The following SEPTIN12 variants were observed in gnomAD, a reference collection of about 807,000 sequenced individuals.
The protein encoded by SEPTIN12 is septin-12.
Under a neutral mutation model 37.7 loss-of-function variants are expected in SEPTIN12, and 42 were observed. That is an observed-to-expected ratio of 1.11 (90% CI 0.87 to 1.44). The LOEUF is 1.44. Among genes scored for constraint, SEPTIN12 ranks in the 40% most tolerant of loss-of-function variants. The probability of loss-of-function intolerance (pLI) is 0.00; values close to 1 mark genes in which losing one functional copy is unlikely to be tolerated. For missense variants in SEPTIN12, 613 were observed against 479.2 expected (o/e 1.28, Z -2.61); for synonymous variants, 254 against 196.7 (o/e 1.29, Z -2.44).
At position 4,787,649 on chromosome 16, in the gene SEPTIN12, G is replaced by A; in HGVS notation, c.-4C>T. 8.3e-6 allele frequency: 13 copies of A among 1,559,890 alleles called. No homozygotes were observed. The highest frequency in any genetic ancestry group is 1.1e-5 in the Non-Finnish European group (13 of 1,149,618). On this transcript the variant is annotated 5_prime_UTR_variant, in exon 2 of 10. Transcript: ENST00000268231. ...GGGAGCGCCTCAGGGGGTCCATGGG[G>A]GCCAAGGGTTCGAGATGCCTGTCAC...
intron 7 of SEPTIN12, among the ~76,000 whole-genome samples, chr16:4,782,198 C>T (rs533461234): frequency 1.3e-5 from 2 of 152,178 alleles, no homozygotes; most frequent in East Asian, 3.9e-4. Flanking sequence ...GATCTGCCCA[C>T]CTCAGCTTCC....
chr16:4,781,351 C>T (rs919325734), intron 7 of SEPTIN12, among the ~76,000 whole-genome samples: 2 of 151,730 alleles, frequency 1.3e-5, no homozygotes, highest in Non-Finnish European at 2.9e-5. Flanking sequence ...TAGTATTTGA[C>T]CAGGGTTATG....
At position 4,777,921 on chromosome 16, in the gene SEPTIN12, C is replaced by T. The variant is rs2082330276; in HGVS notation, c.953G>A (p.Ser318Asn). Reference protein sequence around the residue: ...ENYRVIRLNESHLLPRGPGWV... With the variant: ...ENYRVIRLNENHLLPRGPGWV... ...GCCGGGCCCGCGGGGCAGCAGGTGGCTTTCATTGAGTCTGATGACGCGGTA... is the reference window on the plus strand; with the variant it reads ...GCCGGGCCCGCGGGGCAGCAGGTGGTTTTCATTGAGTCTGATGACGCGGTA... The change falls in exon 10 of 10, where the codon AGC (serine) becomes AAC (asparagine). Residue 318 changes from serine to asparagine, a missense_variant. Ser to Asn is a conservative substitution (Grantham distance 46). Transcript: ENST00000268231. The T allele has an allele frequency of 1.9e-6, 3 of 1,605,590 alleles. No homozygotes were observed. The highest frequency in any genetic ancestry group is 1.7e-6 in the Non-Finnish European group (2 of 1,176,588).
chr16:4,787,312 A>T (rs541299005), intron 2 of SEPTIN12, among the ~76,000 whole-genome samples, 168 bp downstream of exon 2: 1 of 152,136 alleles, frequency 6.6e-6, no homozygotes, highest in Non-Finnish European at 1.5e-5. Flanking sequence ...TTGTCTTTTA[A>T]TGACTCAGCA....
upstream of SEPTIN12, chr16:4,788,562 C>T (rs947348522): frequency 6.6e-6 from 1 of 152,228 alleles, no homozygotes; most frequent in Non-Finnish European, 1.5e-5. Context: ...AGCTGACGCC[C>T]TCAACCACTC....
chr16:4,783,456 T>TCTC lies in SEPTIN12; in HGVS notation c.726+3_726+5dup. ...CTCGCCCGCCTCCCGCCCCACAGCCTCTCACCCGTAACTTGCTGTTGAGGA... is the reference window on the plus strand; with the variant it reads ...CTCGCCCGCCTCCCGCCCCACAGCCTCTCCTCACCCGTAACTTGCTGTTGAGGA... On this transcript the variant is annotated splice_donor_region_variant and intron_variant, in intron 7 of 9. Transcript: ENST00000268231. 6.2e-7 allele frequency: 1 copy of TCTC among 1,611,856 alleles called. No individual in the cohort carries two copies. The highest frequency in any genetic ancestry group is 8.5e-7 in the Non-Finnish European group (1 of 1,178,196).
rs8043579 is a variant in SEPTIN12, at chr16:4,784,164, C to T, written c.375-96G>A. ...TCCTCTGGGCGGTCCTCCCTTGGGACGACGAATCGTCCCGGTTGGCCCGGG... is the reference window on the plus strand; with the variant it reads ...TCCTCTGGGCGGTCCTCCCTTGGGATGACGAATCGTCCCGGTTGGCCCGGG... On this transcript the variant is annotated intron_variant, in intron 4 of 9. Coordinates refer to ENST00000268231, the MANE Select transcript of SEPTIN12 (RefSeq NM_144605.5). 377,944 of 1,453,442 alleles carry T rather than the reference C, an allele frequency of 0.26. 51,243 individuals are homozygous for T. Among genetic ancestry groups the T allele is most frequent in the South Asian group, 0.37 (30,663 of 83,732 alleles). 90.0% of individuals were successfully genotyped at this position (1,453,442 alleles called of 1,614,324 possible).
At chr16:4,778,215 C>T (rs2082335257) in intron 8 of SEPTIN12, 78 bp from the exon 9 acceptor site, 2 of 1,434,668 alleles carry the variant, frequency 1.4e-6, no homozygotes, top group Non-Finnish European at 2.0e-6. Context: ...CACCTGACAC[C>T]ATTTCCCTTA....
upstream of SEPTIN12, chr16:4,789,999 C>T (rs894620753): frequency 1.3e-5 from 2 of 151,642 alleles, no homozygotes; most frequent in Non-Finnish European, 2.9e-5. Context: ...ACTGCAGCCT[C>T]GACTTCCTGG....
At chr16:4,787,128 G>A (rs1194572830) in intron 2 of SEPTIN12, among the ~76,000 whole-genome samples, 5 of 151,538 alleles carry the variant, frequency 3.3e-5, no homozygotes, top group Non-Finnish European at 5.9e-5. Flanking sequence ...CTCCTGCCTT[G>A]GCCTTTCAAA....
intron 4 of SEPTIN12, 81 bp from the exon 5 acceptor site, chr16:4,784,149 G>T: frequency 6.5e-7 from 1 of 1,550,346 alleles, no homozygotes; most frequent in Non-Finnish European, 8.8e-7. Context: ...TCCTCTGGGC[G>T]GTCCTCCCTT....
chr16:4,777,919 G>C lies in SEPTIN12; in HGVS notation c.955C>G (p.His319Asp). The change falls in exon 10 of 10, where the codon CAC becomes GAC. Residue 319 changes from histidine (H) to aspartate (D), a missense_variant. Physicochemically the swap from His to Asp is moderately conservative, Grantham distance 81. Coordinates refer to ENST00000268231, the MANE Select transcript of SEPTIN12 (RefSeq NM_144605.5). ...CAGCCGGGCCCGCGGGGCAGCAGGT[G>C]GCTTTCATTGAGTCTGATGACGCGG... ...NYRVIRLNESHLLPRGPGWVN... is the reference protein window; with the variant it reads ...NYRVIRLNESDLLPRGPGWVN... The C allele has an allele frequency of 6.2e-7, 1 of 1,605,400 alleles. No individual in the cohort carries two copies. The highest frequency in any genetic ancestry group is 1.7e-4 in the Middle Eastern group (1 of 6,048).
chr16:4,791,054 G>A (rs375100783), upstream of SEPTIN12, among the ~76,000 whole-genome samples: 3 of 152,222 alleles, frequency 2.0e-5, no homozygotes, highest in African/African-American at 4.8e-5. Flanking sequence ...CTGCGTTTGA[G>A]CAGTAGACGT....
chr16:4,778,154 T>C lies in SEPTIN12; in HGVS notation c.824-17A>G, dbSNP rs2082334436. 1 of 1,614,108 alleles carries C rather than the reference T, an allele frequency of 6.2e-7. No homozygotes were observed. Among genetic ancestry groups the C allele is most frequent in the Non-Finnish European group, 8.5e-7 (1 of 1,179,960 alleles). On this transcript the variant is annotated splice_polypyrimidine_tract_variant and intron_variant, in intron 8 of 9. Coordinates refer to ENST00000268231, the MANE Select transcript of SEPTIN12 (RefSeq NM_144605.5). ...TGTTCTCCACTGCAAGACATGGGACTCAGTATGGGCGCTGCTTAGTGAGCA... is the reference window on the plus strand; with the variant it reads ...TGTTCTCCACTGCAAGACATGGGACCCAGTATGGGCGCTGCTTAGTGAGCA...
intron 4 of SEPTIN12, among the ~76,000 whole-genome samples, chr16:4,784,729 C>T (rs2141875642): frequency 6.6e-6 from 1 of 151,324 alleles, no homozygotes; most frequent in Admixed American, 6.6e-5. Context: ...ATGATCTCGC[C>T]ACTGCACTCC....
chr16:4,782,144 T>A (rs1013672053), intron 7 of SEPTIN12, among the ~76,000 whole-genome samples: 1 of 151,414 alleles, frequency 6.6e-6, no homozygotes, highest in African/African-American at 2.4e-5. Context: ...GAGACAGAGT[T>A]TCACCATGTT....
chr16:4,785,106 C>T (rs2082421854), intron 4 of SEPTIN12, among the ~76,000 whole-genome samples: 3 of 151,922 alleles, frequency 2.0e-5, no homozygotes, highest in Admixed American at 1.3e-4. Context: ...AAAAAGTAGC[C>T]GAGCGTGTTG....
rs762489557 is a variant in SEPTIN12 at position 4,783,533 on chromosome 16, A to AAG, written c.654_655insCT (p.Cys219LeufsTer33). 1 of 1,614,024 alleles carries AAG rather than the reference A, an allele frequency of 6.2e-7. No individual in the cohort carries two copies. Among genetic ancestry groups the AAG allele is most frequent in the African/African-American group, 1.3e-5 (1 of 74,900 alleles). Reference sequence around the variant, plus strand: ...CACATCTGGGGGTAGACGTCGATGCAGTGGGTCCTCAGGTTCTGCTGGATC... The same window carrying AAG: ...CACATCTGGGGGTAGACGTCGATGCAAGGTGGGTCCTCAGGTTCTGCTGGATC... On this transcript the variant is annotated frameshift_variant, in exon 7 of 10. Transcript: ENST00000268231. LOFTEE classifies it high-confidence loss of function.
chr16:4,787,945 C>G (rs1046476055), intron 1 of SEPTIN12: 3 of 327,188 alleles, frequency 9.2e-6, no homozygotes, highest in Non-Finnish European at 1.7e-5. Context: ...CCTCTCAGGT[C>G]GCTTCCCCCA....
Sources: allele counts gnomAD v4.1 joint callset (sites outside exome capture counted in the v4.1 genomes callset), GRCh38; gene constraint gnomAD v4.1.1; transcripts MANE v1.5; gene names NCBI Gene and HGNC (gene_info 2026-07-23, HGNC 2026-07-21).